LSAMP: variants seen among roughly 807,000 people sequenced by gnomAD.
The protein encoded by LSAMP is limbic system associated membrane protein.
In LSAMP, 7 loss-of-function variants were observed where a neutral mutation model predicts 38.6. The observed-to-expected ratio is 0.18, with a 90% CI of 0.10 to 0.34. The LOEUF (loss-of-function observed/expected upper bound fraction) is 0.34, where lower values mean the gene tolerates loss of function less well. Ranked by LOEUF, LSAMP falls within the 10% of genes least tolerant of loss-of-function variation. The pLI is 1.00. For missense variants in LSAMP, 313 were observed against 420.0 expected (o/e 0.75, Z 2.23); for synonymous variants, 154 against 166.8 (o/e 0.92, Z 0.59).
At chr3:115,900,403 C>A (rs1443884895) in intron 3 of LSAMP, among the ~76,000 whole-genome samples, 2 of 150,420 alleles carry the variant, frequency 1.3e-5, no homozygotes, top group African/African-American at 4.9e-5. Context: ...CAATCCCTAG[C>A]TACTTGGGGG....
intron 1 of LSAMP, among the ~76,000 whole-genome samples, chr3:116,281,189 G>A (rs770447728): frequency 7.9e-5 from 12 of 152,176 alleles, no homozygotes; most frequent in Non-Finnish European, 1.8e-4. Context: ...AATTTTGAGG[G>A]TGTTTGAAGA....
At chr3:116,082,150 C>T (rs73139193) in intron 2 of LSAMP, among the ~76,000 whole-genome samples, 1 of 152,058 alleles carries the variant, frequency 6.6e-6, no homozygotes, top group Admixed American at 6.6e-5. Flanking sequence ...AACAAATACC[C>T]TAGTTTTTGG....
At chr3:115,885,603 A>G (rs532397091) in intron 3 of LSAMP, among the ~76,000 whole-genome samples, 1 of 131,816 alleles carries the variant, frequency 7.6e-6, no homozygotes, top group Non-Finnish European at 1.6e-5. Flanking sequence ...GCAGAGGTCA[A>G]TGTGAAAGGT....
intron 1 of LSAMP, among the ~76,000 whole-genome samples, chr3:116,196,989 C>T (rs184809779): frequency 9.9e-5 from 15 of 152,230 alleles, no homozygotes; most frequent in Admixed American, 6.5e-4. Flanking sequence ...ACTGTCTGCA[C>T]CTCCCAAAAG....
intron 1 of LSAMP, among the ~76,000 whole-genome samples, chr3:116,101,400 AT>A (rs1301137462): frequency 6.6e-6 from 1 of 152,154 alleles, no homozygotes; most frequent in Non-Finnish European, 1.5e-5. Flanking sequence ...GTGAAACTAA[AT>A]TTTTTGTCAC....
chr3:115,952,087 G>A (rs1938310547), intron 3 of LSAMP, among the ~76,000 whole-genome samples: 2 of 152,146 alleles, frequency 1.3e-5, no homozygotes, highest in South Asian at 4.1e-4. Flanking sequence ...AATGAATGTG[G>A]TGAAAAGGGA....
chr3:116,294,170 T>C (rs2047301148), intron 1 of LSAMP, among the ~76,000 whole-genome samples: 1 of 152,144 alleles, frequency 6.6e-6, no homozygotes, highest in African/African-American at 2.4e-5. Flanking sequence ...CATAGGTAGC[T>C]GGGGTACAAC....
At chr3:115,812,351 T>C (rs947643216) in intron 6 of LSAMP, among the ~76,000 whole-genome samples, 2 of 152,186 alleles carry the variant, frequency 1.3e-5, no homozygotes, top group Non-Finnish European at 2.9e-5. Context: ...ATGCATTTCA[T>C]GAGGAATTAA....
intron 1 of LSAMP, among the ~76,000 whole-genome samples, chr3:116,264,669 ATGGC>A: frequency 6.6e-6 from 1 of 152,220 alleles, no homozygotes; most frequent in Admixed American, 6.5e-5. Flanking sequence ...TGGCATAATC[ATGGC>A]TCTCTGCAGC....
intron 3 of LSAMP, among the ~76,000 whole-genome samples, chr3:115,915,761 T>C (rs1040508831): frequency 6.6e-6 from 1 of 152,104 alleles, no homozygotes; most frequent in Admixed American, 6.5e-5. Flanking sequence ...GCCTCCCAAG[T>C]AGCTGGGACT....
intron 3 of LSAMP, among the ~76,000 whole-genome samples, chr3:115,995,836 G>A (rs1381742840): frequency 1.3e-5 from 2 of 151,946 alleles, no homozygotes; most frequent in South Asian, 2.1e-4. Flanking sequence ...TGGAGCTGGT[G>A]AGGAAACTTG....
chr3:116,294,121 C>G (rs1259121362), intron 1 of LSAMP, among the ~76,000 whole-genome samples: 1 of 152,066 alleles, frequency 6.6e-6, no homozygotes, highest in Non-Finnish European at 1.5e-5. Context: ...CTCCCACACA[C>G]ACGCCCCTAC....
intron 3 of LSAMP, among the ~76,000 whole-genome samples, chr3:116,002,861 A>G (rs113400313): frequency 1.4e-3 from 214 of 152,294 alleles, no homozygotes; most frequent in African/African-American, 4.9e-3. Flanking sequence ...TTTAAATAGG[A>G]TACCTGACAC....
chr3:116,431,313 A>G (rs1433336873), intron 1 of LSAMP, among the ~76,000 whole-genome samples: 1 of 152,124 alleles, frequency 6.6e-6, no homozygotes, highest in Non-Finnish European at 1.5e-5. Flanking sequence ...TCCTTGATCC[A>G]ACAGCCTGGA....
chr3:115,997,120 G>T (rs780030388), intron 3 of LSAMP, among the ~76,000 whole-genome samples: 1 of 152,112 alleles, frequency 6.6e-6, no homozygotes. Context: ...AGATTCCTGA[G>T]ATTGTGTTTC....
At chr3:115,897,813 C>T (rs917946379) in intron 3 of LSAMP, among the ~76,000 whole-genome samples, 1 of 152,062 alleles carries the variant, frequency 6.6e-6, no homozygotes, top group Non-Finnish European at 1.5e-5. Context: ...TTCAGAAGTG[C>T]CTCTGGCAAA....
chr3:116,342,481 G>A (rs1276539090), intron 1 of LSAMP, among the ~76,000 whole-genome samples: 1 of 152,060 alleles, frequency 6.6e-6, no homozygotes, highest in East Asian at 1.9e-4. Flanking sequence ...TCAAATGTAT[G>A]AACAAAGGAT....
chr3:116,379,943 A>G (rs905558568), intron 1 of LSAMP, among the ~76,000 whole-genome samples: 2 of 152,064 alleles, frequency 1.3e-5, no homozygotes, highest in Admixed American at 6.6e-5. Context: ...TTGGCAAACT[A>G]TCTATAATCA....
In LSAMP at chr3:115,826,933, T is replaced by A. The variant is rs1019756101; in HGVS notation, c.919+14912A>T. ...TTGATCTCCCAACGGAAGACCAGCC[T>A]CCAATTAATGGGATCATTCCGTCTT... On this transcript the variant is annotated intron_variant, in intron 6 of 6. Transcript: ENST00000490035. 4.1e-5 allele frequency among the ~76,000 whole-genome samples: 6 copies of A among 148,042 alleles called. No individual in the cohort carries two copies. The South Asian group carries it at 6.4e-4, about 16-fold the overall frequency.
Sources: allele counts gnomAD v4.1 joint callset (sites outside exome capture counted in the v4.1 genomes callset), GRCh38; gene constraint gnomAD v4.1.1; transcripts MANE v1.5; gene names NCBI Gene and HGNC (gene_info 2026-07-23, HGNC 2026-07-21).